Variants in PKHD1 observed in about 807,000 individuals in gnomAD.
PKHD1 encodes the protein PKHD1 ciliary IPT domain containing fibrocystin/polyductin, also known as fibrocystin.
Under a neutral mutation model 412.0 loss-of-function variants are expected in PKHD1, and 291 were observed. The ratio of observed to expected loss-of-function variants is 0.71; its 90% CI spans 0.64 to 0.78. The LOEUF is 0.78. Among genes scored for constraint, PKHD1 ranks in the 30% least tolerant of loss-of-function variants. The pLI is 0.00. For synonymous variants in PKHD1, 1,777 were observed against 1,821.5 expected (o/e 0.98, Z 0.62); for missense variants, 4,825 against 4,950.7 (o/e 0.97, Z 0.76).
chr6:51,909,784 A>G (rs938589311), intron 39 of PKHD1, among the ~76,000 whole-genome samples: 3 of 152,144 alleles, frequency 2.0e-5, no homozygotes, highest in African/African-American at 7.2e-5. Context: ...ATTTCAATCT[A>G]AAAGATCCTC....
intron 34 of PKHD1, among the ~76,000 whole-genome samples, chr6:52,012,301 C>G (rs184643292): frequency 1.3e-5 from 2 of 152,150 alleles, no homozygotes; most frequent in African/African-American, 2.4e-5. Context: ...AAAGGCAGCT[C>G]GCGTTATAGC....
At chr6:51,749,916 TACTG>T (rs1156475396) in intron 57 of PKHD1, among the ~76,000 whole-genome samples, 1 of 152,198 alleles carries the variant, frequency 6.6e-6, no homozygotes, top group Non-Finnish European at 1.5e-5. Context: ...ATTTTTAAGG[TACTG>T]ACTAAAGTAA....
At chr6:51,899,582 A>C (rs1458696605) in intron 43 of PKHD1, among the ~76,000 whole-genome samples, 1 of 151,004 alleles carries the variant, frequency 6.6e-6, no homozygotes, top group Non-Finnish European at 1.5e-5. Flanking sequence ...CAAAAACTGG[A>C]AGCATTCCCT....
intron 35 of PKHD1, among the ~76,000 whole-genome samples, chr6:51,989,928 GAAGGAAAGAAGGAAGGAAGA>G (rs1796751047): frequency 9.0e-6 from 1 of 110,776 alleles, no homozygotes; most frequent in African/African-American, 3.5e-5. Flanking sequence ...AGGAAGGAAG[GAAGGAAAGAAGGAAGGAAGA>G]AAGGAAGGAA....
chr6:51,972,514 C>A (rs1460151614), intron 35 of PKHD1, among the ~76,000 whole-genome samples: 1 of 152,146 alleles, frequency 6.6e-6, no homozygotes, highest in African/African-American at 2.4e-5. Context: ...ATCTCAATAA[C>A]CTAGAATTTG....
intron 55 of PKHD1, among the ~76,000 whole-genome samples, chr6:51,765,602 T>A (rs958170429): frequency 1.3e-5 from 2 of 152,112 alleles, no homozygotes; most frequent in East Asian, 3.9e-4. Flanking sequence ...CCATTCAATC[T>A]AAAATGGTAC....
intron 64 of PKHD1, among the ~76,000 whole-genome samples, chr6:51,636,777 G>A (rs76364518): frequency 0.011 from 1,618 of 152,236 alleles, 36 homozygotes; most frequent in African/African-American, 0.037. Context: ...GACGTGTACC[G>A]TTACTCAGTG....
At chr6:51,719,077 A>C (rs182780361) in intron 60 of PKHD1, among the ~76,000 whole-genome samples, 146 of 148,896 alleles carry the variant, frequency 9.8e-4, no homozygotes, top group Non-Finnish European at 1.5e-3. Context: ...CTTCATGAAA[A>C]TATACAAGAA....
At chr6:51,819,891 T>C (rs1044839388) in intron 52 of PKHD1, among the ~76,000 whole-genome samples, 5 of 152,200 alleles carry the variant, frequency 3.3e-5, no homozygotes, top group African/African-American at 1.2e-4. Flanking sequence ...CTTAATGAAC[T>C]GAACGTTAGA....
At chr6:52,013,019 A>C (rs565547892) in intron 34 of PKHD1, among the ~76,000 whole-genome samples, 1 of 152,250 alleles carries the variant, frequency 6.6e-6, no homozygotes, top group South Asian at 2.1e-4. Flanking sequence ...CACCTCTGTT[A>C]TGTGACCCCT....
In PKHD1 at chr6:51,871,425, A is replaced by T. The variant is rs182355297; in HGVS notation, c.7351-786T>A. Among the ~76,000 whole-genome samples, 191 of 119,216 alleles carry T rather than the reference A, an allele frequency of 1.6e-3. 39 individuals carry two copies. Among genetic ancestry groups the T allele is most frequent in the African/African-American group, 5.1e-3 (186 of 36,774 alleles). 78.2% of individuals were successfully genotyped at this position (119,216 alleles called of 152,430 possible). On this transcript the variant is annotated intron_variant, in intron 46 of 66. Transcript: ENST00000371117. Reference sequence around the variant, plus strand: ...CAGGAGTGAAGGAAGCCAGTCCCAAAAGGTTACATACTATATGACTCCATT... The same window carrying T: ...CAGGAGTGAAGGAAGCCAGTCCCAATAGGTTACATACTATATGACTCCATT...
At chr6:51,900,137 G>T (rs1350806636) in intron 43 of PKHD1, among the ~76,000 whole-genome samples, 2 of 152,012 alleles carry the variant, frequency 1.3e-5, no homozygotes, top group African/African-American at 2.4e-5. Flanking sequence ...AAGCTACCAA[G>T]GACTTTCTTC....
At chr6:52,014,384 C>T (rs1800190495) in intron 34 of PKHD1, among the ~76,000 whole-genome samples, 1 of 152,216 alleles carries the variant, frequency 6.6e-6, no homozygotes. Context: ...ATCTGACTTT[C>T]TTCTCTACCC....
At chr6:51,893,249 A>G (rs1779378954) in intron 43 of PKHD1, among the ~76,000 whole-genome samples, 1 of 152,254 alleles carries the variant, frequency 6.6e-6, no homozygotes, top group Admixed American at 6.5e-5. Flanking sequence ...TTTAAAAAAT[A>G]TATTCCAAGG....
intron 62 of PKHD1, among the ~76,000 whole-genome samples, chr6:51,648,681 AAG>A (rs1770459543): frequency 6.6e-6 from 1 of 152,200 alleles, no homozygotes; most frequent in Admixed American, 6.6e-5. Context: ...AATCACATAT[AAG>A]AGAGATTATT....
At chr6:51,626,854 A>G in intron 66 of PKHD1, 143 bp downstream of exon 66, 1 of 810,838 alleles carries the variant, frequency 1.2e-6, no homozygotes, top group Non-Finnish European at 2.2e-6. Context: ...CTGCTGGGGT[A>G]TAATTTCTTT....
At position 52,017,522 on chromosome 6, in the gene PKHD1, G is replaced by C; in HGVS notation, c.5488C>G (p.Leu1830Val). Residue 1830 changes from leucine to valine, a missense_variant, in exon 34 of 67, where the codon CTG becomes GTG. Transcript: ENST00000371117. ...DLTVAMATEQ[L>V]LESWPYLYIC... is the part of the protein sequence containing the mutation. The stretch of plus-strand genomic sequence containing the variant: ...TAGAGGTAAGGCCACGATTCAAGCA[G>C]TTGCTCTGTCGCCATGGCAACTGTC... The C allele has an allele frequency of 6.2e-7, 1 of 1,614,040 alleles. No homozygotes were observed. Among genetic ancestry groups the C allele is most frequent in the South Asian group, 1.1e-5 (1 of 91,074 alleles).
intron 60 of PKHD1, among the ~76,000 whole-genome samples, chr6:51,662,964 T>G (rs573259244): frequency 6.6e-6 from 1 of 152,204 alleles, no homozygotes; most frequent in East Asian, 1.9e-4. Flanking sequence ...GTCTCCTTTT[T>G]TTAACCTTCA....
At chr6:52,045,288 T>C (rs985613350) in intron 24 of PKHD1, among the ~76,000 whole-genome samples, 200 bp from the exon 25 acceptor site, 1 of 152,230 alleles carries the variant, frequency 6.6e-6, no homozygotes, top group African/African-American at 2.4e-5. Flanking sequence ...TAGAGAAATA[T>C]TCATTTGCAA....
Sources: allele counts gnomAD v4.1 joint callset (sites outside exome capture counted in the v4.1 genomes callset), GRCh38; gene constraint gnomAD v4.1.1; transcripts MANE v1.5; gene names NCBI Gene and HGNC (gene_info 2026-07-23, HGNC 2026-07-21).